The following PRKX variants were observed in gnomAD, a reference collection of about 807,000 sequenced individuals.
PRKX encodes the protein cAMP-dependent protein kinase catalytic subunit PRKX.
A neutral mutation model predicts 22.0 loss-of-function variants in PRKX; 12 were observed. That is an observed-to-expected ratio of 0.54 (90% CI 0.35 to 0.88). The LOEUF (loss-of-function observed/expected upper bound fraction) is 0.88, where lower values mean the gene tolerates loss of function less well. PRKX is among the 40% of genes least tolerant of loss of function. The pLI is 0.01. For missense variants in PRKX, 217 were observed against 308.0 expected, an observed-to-expected ratio of 0.70 and a Z score of 2.21; for synonymous variants, 134 against 137.7, an observed-to-expected ratio of 0.97 and a Z score of 0.19.
chrX:3,624,903 C>T (rs1373632334), intron 5 of PRKX, among the ~76,000 whole-genome samples: 2 of 111,724 alleles, frequency 1.8e-5, no homozygotes, highest in East Asian at 5.6e-4. Context: ...GCTGGGATTA[C>T]AGGCATGAGC....
rs898705228 is a variant in PRKX at position 3,668,633 on chromosome X, G to A, written c.335+5965C>T. 2.7e-5 allele frequency among the ~76,000 whole-genome samples: 3 copies of A among 111,990 alleles called. No individual in the cohort carries two copies. In the Admixed American group the frequency reaches 2.8e-4, roughly 11 times the overall value. On this transcript the variant is annotated intron_variant, in intron 2 of 8. Coordinates refer to ENST00000262848, the MANE Select transcript of PRKX (RefSeq NM_005044.5). The stretch of plus-strand genomic sequence containing the variant: ...GTCATCCAGGAACTAGAAGGATGTG[G>A]CCCGGAGTGGAGAGACCTCTTGCCT...
chrX:3,706,460 T>TACA (rs1928687021), intron 1 of PRKX, among the ~76,000 whole-genome samples: 1 of 111,391 alleles, frequency 9.0e-6, no homozygotes, highest in African/African-American at 3.3e-5. Context: ...AAGTGCTGGG[T>TACA]ACAGGCGTGA....
At chrX:3,670,527 C>T (rs530015086) in intron 2 of PRKX, among the ~76,000 whole-genome samples, 6 of 111,799 alleles carry the variant, frequency 5.4e-5, no homozygotes, top group African/African-American at 1.9e-4. Context: ...GTTACATCAC[C>T]CCCTCCAAGT....
At chrX:3,710,492 C>A (rs1046083131) in intron 1 of PRKX, among the ~76,000 whole-genome samples, 3 of 111,688 alleles carry the variant, frequency 2.7e-5, no homozygotes, top group Non-Finnish European at 5.6e-5. Context: ...CTGCCTCAGC[C>A]TCCTGAGAAG....
At chrX:3,662,191 A>G (rs1927609084) in intron 2 of PRKX, among the ~76,000 whole-genome samples, 1 of 111,125 alleles carries the variant, frequency 9.0e-6, no homozygotes, top group African/African-American at 3.3e-5. Context: ...AAGACCAGGT[A>G]GAAGGTGGGG....
At chrX:3,609,586 CTG>C (rs985570957) in intron 8 of PRKX, among the ~76,000 whole-genome samples, 17 of 111,390 alleles carry the variant, frequency 1.5e-4, no homozygotes, top group African/African-American at 5.5e-4. Context: ...TCTAGAATAG[CTG>C]TGACAATAGG....
intron 1 of PRKX, among the ~76,000 whole-genome samples, chrX:3,691,698 G>A (rs972158832): frequency 4.5e-5 from 5 of 111,500 alleles, no homozygotes; most frequent in Admixed American, 1.9e-4. Flanking sequence ...GCACCTCCCT[G>A]AGCTGTGACA....
At chrX:3,648,640 G>GTA (rs1927245261) in intron 3 of PRKX, among the ~76,000 whole-genome samples, 1 of 92,045 alleles carries the variant, frequency 1.1e-5, no homozygotes, top group South Asian at 5.3e-4. Context: ...GTGTGTGTGT[G>GTA]TGTGTGTGTG....
intron 1 of PRKX, among the ~76,000 whole-genome samples, chrX:3,698,737 C>T (rs929758923): frequency 9.2e-6 from 1 of 108,765 alleles, no homozygotes; most frequent in Non-Finnish European, 1.9e-5. Context: ...TACAGATGCC[C>T]GCCACCACAC....
At chrX:3,624,336 A>G (rs760270159) in intron 5 of PRKX, among the ~76,000 whole-genome samples, 20 of 111,583 alleles carry the variant, frequency 1.8e-4, no homozygotes, top group Middle Eastern at 4.6e-3. Context: ...TGGGGAACCC[A>G]CACTGGGTAT....
chrX:3,674,154 G>C (rs1927901729), intron 2 of PRKX, among the ~76,000 whole-genome samples: 1 of 111,088 alleles, frequency 9.0e-6, no homozygotes, highest in East Asian at 2.8e-4. Flanking sequence ...TCTCAACGGG[G>C]TATCTCTCAT....
chrX:3,709,181 C>T lies in PRKX; in HGVS notation c.166+3907G>A, dbSNP rs868434175. On this transcript the variant is annotated intron_variant, in intron 1 of 8. Coordinates refer to ENST00000262848, the MANE Select transcript of PRKX (RefSeq NM_005044.5). ...ACTGGGCAACAGAGTGAGACCCTGT[C>T]TCAAAAAAAAAAAAAAAAAAAAGCT... Among the ~76,000 whole-genome samples, 256 of 52,987 alleles carry T rather than the reference C, an allele frequency of 4.8e-3. 1 individual carries two copies. Among genetic ancestry groups the T allele is most frequent in the African/African-American group, 0.04 (246 of 6,151 alleles). 46.0% of individuals were successfully genotyped at this position (52,987 alleles called of 115,157 possible). A position where few individuals can be genotyped will look rare whatever the true frequency, so the allele number is the denominator to read the frequency against.
Position 3,615,011 on chromosome X carries a change from A to ATTTTTTTT in PRKX, c.951+796_951+803dup, listed in dbSNP as rs761643511. Among the ~76,000 whole-genome samples, 291 of 59,754 alleles carry ATTTTTTTT rather than the reference A, an allele frequency of 4.9e-3. 23 individuals are homozygous for ATTTTTTTT. The highest frequency in any genetic ancestry group is 0.021 in the African/African-American group (275 of 13,212). 51.9% of individuals were successfully genotyped at this position (59,754 alleles called of 115,157 possible). ...TATTATACATTGAAAAAAATGCCAG[A>ATTTTTTTT]TTTTTTTTTTTTTTTTTTTTTTTTT... On this transcript the variant is annotated intron_variant, in intron 7 of 8. Transcript: ENST00000262848.
intron 4 of PRKX, among the ~76,000 whole-genome samples, chrX:3,630,338 T>C (rs1926744646): frequency 1.0e-5 from 1 of 96,421 alleles, no homozygotes; most frequent in Non-Finnish European, 2.2e-5. Flanking sequence ...GGTGGGCGGA[T>C]CACGAGGTCA....
chrX:3,702,452 C>T (rs1331011729), intron 1 of PRKX, among the ~76,000 whole-genome samples: 1 of 111,293 alleles, frequency 9.0e-6, no homozygotes, highest in Non-Finnish European at 1.9e-5. Context: ...GGGGTACCTC[C>T]CCAGTATAAC....
In PRKX at chrX:3,654,011, C is replaced by CTATATATTATATACTATGTAA. The variant is rs1569051403; in HGVS notation, c.599+1137_599+1138insTTACATAGTATATAATATATA. On this transcript the variant is annotated intron_variant, in intron 3 of 8. Coordinates refer to ENST00000262848, the MANE Select transcript of PRKX (RefSeq NM_005044.5). ...TATATTATATACTATGTGATATATA[C>CTATATATTATATACTATGTAA]TATATATATTATATACTATGTAATA... is the stretch of plus-strand genomic sequence containing the variant. 1.3e-3 allele frequency among the ~76,000 whole-genome samples: 82 copies of CTATATATTATATACTATGTAA among 65,536 alleles called. 1 individual carries two copies. Among genetic ancestry groups the CTATATATTATATACTATGTAA allele is most frequent in the African/African-American group, 4.6e-3 (73 of 15,923 alleles). 56.9% of individuals were successfully genotyped at this position (65,536 alleles called of 115,157 possible).
chrX:3,665,940 G>A (rs1201419068), intron 2 of PRKX, among the ~76,000 whole-genome samples: 1 of 109,074 alleles, frequency 9.2e-6, no homozygotes, highest in Non-Finnish European at 1.9e-5. Context: ...ATGGGGATGG[G>A]GATGGGGTGG....
intron 6 of PRKX, among the ~76,000 whole-genome samples, chrX:3,616,428 T>C (rs761362580): frequency 6.3e-5 from 7 of 111,690 alleles, no homozygotes; most frequent in Admixed American, 3.8e-4. Flanking sequence ...GCCTGCTTCA[T>C]GCTCAAGGGT....
Position 3,654,478 on chromosome X carries a change from G to GTT in PRKX, c.599+669_599+670dup, listed in dbSNP as rs1401278524. On this transcript the variant is annotated intron_variant, in intron 3 of 8. Coordinates refer to ENST00000262848, the MANE Select transcript of PRKX (RefSeq NM_005044.5). ...TTTGGTTTTTTTTTTTTTTTTTTTT[G>GTT]TTTTGTTTTTTTTTGAGATAGGATC... Among the ~76,000 whole-genome samples the GTT allele has an allele frequency of 3.5e-3, 244 of 69,382 alleles. 1 individual carries two copies. The highest frequency in any genetic ancestry group is 0.013 in the African/African-American group (231 of 18,123). The allele number at this position is 69,382 out of a possible 115,157, so 60.2% of individuals were successfully genotyped here.
Sources: allele counts gnomAD v4.1 joint callset (sites outside exome capture counted in the v4.1 genomes callset), GRCh38; gene constraint gnomAD v4.1.1; transcripts MANE v1.5; gene names NCBI Gene and HGNC (gene_info 2026-07-23, HGNC 2026-07-21).